SRC: variants seen among roughly 807,000 people sequenced by gnomAD.
SRC encodes the protein SRC proto-oncogene, non-receptor tyrosine kinase.
Under a neutral mutation model 62.9 loss-of-function variants are expected in SRC, and 13 were observed. The observed-to-expected ratio is 0.21, with a 90% confidence interval of 0.13 to 0.33. The LOEUF (loss-of-function observed/expected upper bound fraction) is 0.33, where lower values mean the gene tolerates loss of function less well. Among genes scored for constraint, SRC ranks in the 10% least tolerant of loss-of-function variants. The pLI is 1.00. For missense variants in SRC, 457 were observed against 737.3 expected, an observed-to-expected ratio of 0.62 and a Z score of 4.40; for synonymous variants, 302 against 317.5, an observed-to-expected ratio of 0.95 and a Z score of 0.52.
intron 5 of SRC, among the ~76,000 whole-genome samples, chr20:37,391,506 G>A (rs977597696): frequency 6.6e-6 from 1 of 152,176 alleles, no homozygotes; most frequent in Non-Finnish European, 1.5e-5. Context: ...TCCTTGCTTT[G>A]TAGCTTTGGG....
At chr20:37,357,405 TTCCATCCATCCA>T (rs375569482) in intron 1 of SRC, among the ~76,000 whole-genome samples, 1 of 152,018 alleles carries the variant, frequency 6.6e-6, no homozygotes, top group South Asian at 2.1e-4. Context: ...CTGCTTGCTC[TTCCATCCATCCA>T]TCCATCCATC....
At chr20:37,394,908 A>C (rs912597762) in intron 7 of SRC, among the ~76,000 whole-genome samples, 2 of 152,014 alleles carry the variant, frequency 1.3e-5, no homozygotes, top group African/African-American at 4.8e-5. Context: ...CTGTGTGTAC[A>C]TCTGGGCGTG....
intron 1 of SRC, among the ~76,000 whole-genome samples, chr20:37,346,486 G>A (rs2069723003): frequency 6.6e-6 from 1 of 152,040 alleles, no homozygotes; most frequent in African/African-American, 2.4e-5. Context: ...GGCTGGGCGG[G>A]GGGGGCGCAG....
At chr20:37,377,174 T>G (rs899097790) in intron 2 of SRC, among the ~76,000 whole-genome samples, 1 of 152,220 alleles carries the variant, frequency 6.6e-6, no homozygotes, top group African/African-American at 2.4e-5. Flanking sequence ...TGCCTCCTCT[T>G]ATTCCCTGGA....
At chr20:37,392,339 C>G (rs2070564692) in intron 5 of SRC, among the ~76,000 whole-genome samples, 1 of 152,234 alleles carries the variant, frequency 6.6e-6, no homozygotes, top group Non-Finnish European at 1.5e-5. Flanking sequence ...TCCCCAAGCC[C>G]TGCTCCCTCC....
chr20:37,361,695 C>G (rs542604534), intron 1 of SRC, among the ~76,000 whole-genome samples: 1 of 152,186 alleles, frequency 6.6e-6, no homozygotes. Flanking sequence ...AGATGACCTA[C>G]GGCTGGGAGA....
chr20:37,388,791 TTAG>T (rs2070495608), intron 5 of SRC, among the ~76,000 whole-genome samples: 1 of 150,068 alleles, frequency 6.7e-6, no homozygotes, highest in African/African-American at 2.4e-5. Flanking sequence ...GGGGCTGGTA[TTAG>T]TAGAAGAGGA....
At chr20:37,375,699 G>T (rs1175652524) in intron 2 of SRC, among the ~76,000 whole-genome samples, 1 of 152,148 alleles carries the variant, frequency 6.6e-6, no homozygotes, top group Non-Finnish European at 1.5e-5. Context: ...TAATTGTATT[G>T]GCAAGTATCT....
At chr20:37,387,358 C>G (rs561164761) in intron 5 of SRC, among the ~76,000 whole-genome samples, 3 of 152,274 alleles carry the variant, frequency 2.0e-5, no homozygotes, top group South Asian at 4.1e-4. Flanking sequence ...CCACCTGTGT[C>G]CTTGTATTGA....
rs1274158340 is a variant in SRC, at chr20:37,398,745, T to G, written c.859+891T>G. On this transcript the variant is annotated intron_variant, in intron 9 of 13. Transcript: ENST00000373578. The surrounding 1 kb of genome is among the most constrained non-coding windows in gnomAD (Gnocchi z 5.2). Reference sequence around the variant, plus strand: ...AGTGAGGACTTGAGCAACACCTGGGTGAATGCACAGCGTCAGCCATTATGG... The same window carrying G: ...AGTGAGGACTTGAGCAACACCTGGGGGAATGCACAGCGTCAGCCATTATGG... Among the ~76,000 whole-genome samples, 1 of 152,146 alleles carries G rather than the reference T, an allele frequency of 6.6e-6. No homozygotes were observed. The highest frequency in any genetic ancestry group is 2.4e-5 in the African/African-American group (1 of 41,420).
Position 37,393,883 on chromosome 20 carries a change from G to A in SRC, c.351-12G>A, listed in dbSNP as rs1233661968. On this transcript the variant is annotated splice_polypyrimidine_tract_variant and intron_variant, in intron 5 of 13. Transcript: ENST00000373578. The stretch of plus-strand genomic sequence containing the variant: ...CCCTTCTCCTTTCCTCCCTCCTTCT[G>A]TCCCTGCTCAGAGAGGGAGACTGGT... The A allele has an allele frequency of 6.2e-7, 1 of 1,607,862 alleles. No homozygotes were observed. The highest frequency in any genetic ancestry group is 1.1e-5 in the South Asian group (1 of 90,916).
intron 2 of SRC, among the ~76,000 whole-genome samples, chr20:37,366,987 C>T (rs2146961780): frequency 6.6e-6 from 1 of 152,294 alleles, no homozygotes; most frequent in South Asian, 2.1e-4. Flanking sequence ...ACATTCCCAT[C>T]AGCAATGTCT....
intron 2 of SRC, among the ~76,000 whole-genome samples, chr20:37,367,486 C>T (rs1799085108): frequency 6.6e-6 from 1 of 151,764 alleles, no homozygotes; most frequent in South Asian, 2.1e-4. Context: ...AAGTTCTTTG[C>T]CTATTTTTAT....
chr20:37,352,202 T>C (rs2069813522), intron 1 of SRC, among the ~76,000 whole-genome samples: 1 of 152,214 alleles, frequency 6.6e-6, no homozygotes, highest in African/African-American at 2.4e-5. Flanking sequence ...TTTGACAAGA[T>C]GGCATGAAGA....
rs559263889 is a variant in SRC, at chr20:37,371,857, C to T, written c.-173+6580C>T. On this transcript the variant is annotated intron_variant, in intron 2 of 13. Coordinates refer to ENST00000373578, the MANE Select transcript of SRC (RefSeq NM_198291.3). ...GCTGGGATTACAAGGCACCTGCCAC[C>T]ACGCCTGGCTGATTTTTGTATTTTT... Among the ~76,000 whole-genome samples, 102 of 151,936 alleles carry T rather than the reference C, an allele frequency of 6.7e-4. 1 individual carries two copies. In the East Asian group the frequency reaches 0.014, roughly 21 times the overall value.
rs1274262123 is a variant in SRC, at chr20:37,397,779, G to A, written c.784G>A (p.Ala262Thr). 2 of 1,612,542 alleles carry A rather than the reference G, an allele frequency of 1.2e-6. No homozygotes were observed. The highest frequency in any genetic ancestry group is 1.7e-6 in the Non-Finnish European group (2 of 1,179,792). The change falls in exon 9 of 14, where the codon GCC becomes ACC. Residue 262 changes from alanine (A) to threonine (T), a missense_variant. Ala to Thr is a moderately conservative substitution (Grantham distance 58). Coordinates refer to ENST00000373578, the MANE Select transcript of SRC (RefSeq NM_198291.3). This position sits in a 1 kb window ranked among gnomAD's most constrained non-coding sequence, Gnocchi z 4.1. ...KPQTQGLAKD[A>T]WEIPRESLRL... Reference sequence around the variant, plus strand: ...GCAGACTCAGGGCCTGGCCAAGGATGCCTGGGAGATCCCTCGGGAGTCGCT... The same window carrying A: ...GCAGACTCAGGGCCTGGCCAAGGATACCTGGGAGATCCCTCGGGAGTCGCT...
At chr20:37,388,130 C>A (rs1402955243) in intron 5 of SRC, among the ~76,000 whole-genome samples, 1 of 152,190 alleles carries the variant, frequency 6.6e-6, no homozygotes, top group Non-Finnish European at 1.5e-5. Flanking sequence ...GAGTCTCTAC[C>A]AAGCGTCTCA....
At chr20:37,363,711 T>C (rs936958012) in intron 1 of SRC, among the ~76,000 whole-genome samples, 2 of 152,148 alleles carry the variant, frequency 1.3e-5, no homozygotes, top group Non-Finnish European at 2.9e-5. Context: ...CCAGAGCAGC[T>C]GGTGACATTG....
At chr20:37,369,921 T>A (rs1568625957) in intron 2 of SRC, among the ~76,000 whole-genome samples, 1 of 152,174 alleles carries the variant, frequency 6.6e-6, no homozygotes. Flanking sequence ...TGCCTCGGCC[T>A]CCTGAGTAGC....
Sources: allele counts gnomAD v4.1 joint callset (sites outside exome capture counted in the v4.1 genomes callset), GRCh38; gene constraint gnomAD v4.1.1; non-coding constraint Gnocchi (gnomAD v3.1); transcripts MANE v1.5; gene names NCBI Gene and HGNC (gene_info 2026-07-23, HGNC 2026-07-21).